The following ZBTB16 variants were observed in gnomAD, a reference collection of about 807,000 sequenced individuals.
ZBTB16 encodes zinc finger and BTB domain-containing protein 16.
ZBTB16 carries 8 observed loss-of-function variants against 56.8 expected under a neutral mutation model. The observed-to-expected ratio is 0.14, with a 90% CI of 0.08 to 0.25. The LOEUF (loss-of-function observed/expected upper bound fraction) is 0.25. ZBTB16 is among the 10% of genes least tolerant of loss of function. The probability of loss-of-function intolerance (pLI) is 1.00; values close to 1 mark genes in which losing one functional copy is unlikely to be tolerated. For missense variants in ZBTB16, 625 were observed against 903.0 expected, an observed-to-expected ratio of 0.69 and a Z score of 3.95; for synonymous variants, 363 against 368.5, an observed-to-expected ratio of 0.98 and a Z score of 0.17.
At chr11:114,089,830 C>T (rs1160580788) in intron 2 of ZBTB16, among the ~76,000 whole-genome samples, 6 of 152,226 alleles carry the variant, frequency 3.9e-5, no homozygotes, top group South Asian at 2.1e-4. Flanking sequence ...CTCTAGACTT[C>T]GCAGGTAAAA....
intron 3 of ZBTB16, among the ~76,000 whole-genome samples, chr11:114,158,322 A>C (rs897452323): frequency 1.2e-4 from 19 of 152,096 alleles, no homozygotes; most frequent in Admixed American, 1.2e-3. Flanking sequence ...CCTTGAGTCC[A>C]GTGCTGTAGC....
intron 4 of ZBTB16, among the ~76,000 whole-genome samples, chr11:114,207,022 C>T (rs539455794): frequency 2.0e-5 from 3 of 152,258 alleles, no homozygotes; most frequent in Admixed American, 6.5e-5. Context: ...TGTTTTTGAA[C>T]GACTGCCTCA....
intron 4 of ZBTB16, among the ~76,000 whole-genome samples, chr11:114,210,202 C>G (rs1016467621): frequency 6.8e-6 from 1 of 147,924 alleles, no homozygotes; most frequent in African/African-American, 2.6e-5. Flanking sequence ...TGCGTGCGCG[C>G]GCGTGCACAG....
rs1456316221 is a variant in ZBTB16 at position 114,207,806 on chromosome 11, G to T, written c.1453+20768G>T. ...TTTTTGTATTTTTAGTAGAGACAGG[G>T]TTTCACTATGTTGACCAGGCTGGTC... is the stretch of plus-strand genomic sequence containing the variant. On this transcript the variant is annotated intron_variant, in intron 4 of 6. Transcript: ENST00000335953. Among the ~76,000 whole-genome samples the T allele has an allele frequency of 3.3e-5, 5 of 152,290 alleles. No homozygotes were observed. In the East Asian group the frequency reaches 9.6e-4, roughly 29 times the overall value.
chr11:114,064,688 A>C lies in ZBTB16; in HGVS notation c.1268+120A>C. 1 of 1,307,590 alleles carries C rather than the reference A, an allele frequency of 7.6e-7. No homozygotes were observed. Among genetic ancestry groups the C allele is most frequent in the Non-Finnish European group, 1.1e-6 (1 of 939,478 alleles). The allele number at this position is 1,307,590 out of a possible 1,614,324, so 81.0% of individuals were successfully genotyped here. On this transcript the variant is annotated intron_variant, in intron 2 of 6. Coordinates refer to ENST00000335953, the MANE Select transcript of ZBTB16 (RefSeq NM_006006.6). This position sits in a 1 kb window ranked among gnomAD's most constrained non-coding sequence, Gnocchi z 4.2. ...CCCCTGTCTTGGCAATTTGTGAAAAAACCAGAACACTTCTTCTAAAGTTCT... is the reference window on the plus strand; with the variant it reads ...CCCCTGTCTTGGCAATTTGTGAAAACACCAGAACACTTCTTCTAAAGTTCT...
intron 2 of ZBTB16, among the ~76,000 whole-genome samples, chr11:114,089,783 A>G (rs1353481699): frequency 2.0e-5 from 3 of 152,244 alleles, no homozygotes; most frequent in Admixed American, 6.5e-5. Flanking sequence ...TGGTATAGGT[A>G]TGAGGTGAGA....
rs1031169456 is a variant in ZBTB16, at chr11:114,063,922, A to T, written c.622A>T (p.Thr208Ser). 6.2e-7 allele frequency: 1 copy of T among 1,613,836 alleles called. No individual in the cohort carries two copies. Among genetic ancestry groups the T allele is most frequent in the Admixed American group, 1.7e-5 (1 of 60,014 alleles). Residue 208 changes from threonine (T) to serine (S), a missense_variant, in exon 2 of 7, where the codon ACC becomes TCC. Physicochemically the swap from Thr to Ser is moderately conservative, Grantham distance 58 (BLOSUM62 1). This residue lies in a region of ZBTB16 where 384 missense variants were observed against 393.5 expected (regional missense o/e 0.98). Coordinates refer to ENST00000335953, the MANE Select transcript of ZBTB16 (RefSeq NM_006006.6). This position sits in a 1 kb window ranked among gnomAD's most constrained non-coding sequence, Gnocchi z 6.5. ...CAAGGCTGCAGTGGACAGTTTGATG[A>T]CCATAGGACAGTCTCTCCTGCAGGG... ...PTKAAVDSLM[T>S]IGQSLLQGTL...
chr11:114,112,218 G>A (rs1365464616), intron 2 of ZBTB16, among the ~76,000 whole-genome samples: 1 of 152,092 alleles, frequency 6.6e-6, no homozygotes, highest in Non-Finnish European at 1.5e-5. Context: ...TCTGTCAAAT[G>A]CATGGCAAAG....
chr11:114,163,214 C>T (rs1469173026), intron 3 of ZBTB16, among the ~76,000 whole-genome samples: 1 of 148,430 alleles, frequency 6.7e-6, no homozygotes, highest in Non-Finnish European at 1.5e-5. Flanking sequence ...AACCCCACCC[C>T]CACCCCTTCT....
chr11:114,187,130 A>T, intron 4 of ZBTB16, 92 bp downstream of exon 4: 1 of 1,226,946 alleles, frequency 8.2e-7, no homozygotes, highest in Non-Finnish European at 1.2e-6. Flanking sequence ...CTTTTTAGCA[A>T]ATGTGACATC....
rs1169361970 is a variant in ZBTB16, at chr11:114,252,354, G to C, written c.*1799G>C. Among the ~76,000 whole-genome samples the C allele has an allele frequency of 7.2e-6, 1 of 138,036 alleles. No homozygotes were observed. Among genetic ancestry groups the C allele is most frequent in the African/African-American group, 2.6e-5 (1 of 37,932 alleles). The allele number at this position is 138,036 out of a possible 152,430, so 90.6% of individuals were successfully genotyped here. On this transcript the variant is annotated 3_prime_UTR_variant, in exon 7 of 7. Transcript: ENST00000335953. Reference sequence around the variant, plus strand: ...TGCGTGCATTCTCATTGCCAGAATTGGTCTATTTTCACGGCTGGTCTTTGG... The same window carrying C: ...TGCGTGCATTCTCATTGCCAGAATTCGTCTATTTTCACGGCTGGTCTTTGG...
chr11:114,247,169 A>G, intron 5 of ZBTB16, 29 bp from the exon 6 acceptor site: 2 of 1,614,162 alleles, frequency 1.2e-6, no homozygotes, highest in South Asian at 2.2e-5. Flanking sequence ...GGAGAGGCAA[A>G]GGCCTGATCC....
intron 2 of ZBTB16, among the ~76,000 whole-genome samples, chr11:114,154,499 A>G (rs1457194205): frequency 3.3e-5 from 5 of 152,214 alleles, no homozygotes; most frequent in East Asian, 1.9e-4. Flanking sequence ...ATACTCCACC[A>G]TCGTGTGTGT....
chr11:114,199,857 G>A (rs1013645284), intron 4 of ZBTB16, among the ~76,000 whole-genome samples: 7 of 152,148 alleles, frequency 4.6e-5, no homozygotes, highest in Admixed American at 2.0e-4. Context: ...GGCCGGGCAC[G>A]GTGGCTCACA....
intron 2 of ZBTB16, among the ~76,000 whole-genome samples, chr11:114,113,614 T>C (rs2137785320): frequency 6.6e-6 from 1 of 152,356 alleles, no homozygotes; most frequent in East Asian, 1.9e-4. Flanking sequence ...AGTAAAGATC[T>C]TTGCCCTTCT....
At chr11:114,159,506 A>T (rs545935985) in intron 3 of ZBTB16, among the ~76,000 whole-genome samples, 2 of 152,120 alleles carry the variant, frequency 1.3e-5, no homozygotes, top group Non-Finnish European at 2.9e-5. Flanking sequence ...GTTGTCCGGC[A>T]TACTCCTCAC....
At chr11:114,140,244 G>A (rs1255003997) in intron 2 of ZBTB16, among the ~76,000 whole-genome samples, 1 of 152,166 alleles carries the variant, frequency 6.6e-6, no homozygotes, top group African/African-American at 2.4e-5. Flanking sequence ...CTAAGCCCAG[G>A]CATGAGCCCC....
chr11:114,082,063 C>A (rs556966444), intron 2 of ZBTB16, among the ~76,000 whole-genome samples: 1 of 140,874 alleles, frequency 7.1e-6, no homozygotes, highest in African/African-American at 2.7e-5. Flanking sequence ...AGGAGGATTG[C>A]GTGAGGCCAG....
At chr11:114,120,317 T>TG (rs1160071589) in intron 2 of ZBTB16, among the ~76,000 whole-genome samples, 12 of 152,286 alleles carry the variant, frequency 7.9e-5, no homozygotes, top group Admixed American at 4.6e-4. Context: ...AATGGGGACA[T>TG]GGGGCAGGGC....
Sources: gnomAD v4.1 joint callset for allele counts (sites outside exome capture counted in the v4.1 genomes callset) on GRCh38, gnomAD v4.1.1 for gene constraint, gnomAD v4.1.1 regional missense constraint, Gnocchi (gnomAD v3.1) non-coding constraint, MANE v1.5 for transcripts, NCBI Gene and HGNC (gene_info 2026-07-23, HGNC 2026-07-21) for gene names.